The following UNCX variants were observed in gnomAD, a reference collection of about 807,000 sequenced individuals.
UNCX encodes homeobox protein unc-4 homolog.
A neutral mutation model predicts 14.8 loss-of-function variants in UNCX; 4 were observed. That is an observed-to-expected ratio of 0.27 (90% CI 0.13 to 0.62). The LOEUF (loss-of-function observed/expected upper bound fraction) is 0.62. Among genes scored for constraint, UNCX ranks in the 20% least tolerant of loss-of-function variants. The pLI, the probability that UNCX is intolerant of heterozygous loss-of-function variation, is 0.86. For missense variants in UNCX, 749 were observed against 786.8 expected, an observed-to-expected ratio of 0.95 and a Z score of 0.58; for synonymous variants, 459 against 395.8, an observed-to-expected ratio of 1.16 and a Z score of -1.90.
At position 1,232,881 on chromosome 7, in the gene UNCX, G is replaced by T; in HGVS notation, c.-137G>T. 3.3e-6 allele frequency: 1 copy of T among 299,336 alleles called. No homozygotes were observed. The highest frequency in any genetic ancestry group is 1.2e-4 in the South Asian group (1 of 8,626). The allele number at this position is 299,336 out of a possible 1,614,324, so 18.5% of individuals were successfully genotyped here. ...CTTGATGTTGATAAGTAAAGCGCCG[G>T]AGTGCGGGCGAAGCATGTGTGGGGC... On this transcript the variant is annotated 5_prime_UTR_variant, in exon 1 of 3. Coordinates refer to ENST00000316333, the MANE Select transcript of UNCX (RefSeq NM_001080461.3).
intron 2 of UNCX, 130 bp from the exon 3 acceptor site, chr7:1,235,702 G>T (rs1375973156): frequency 1.2e-6 from 1 of 806,692 alleles, no homozygotes; most frequent in East Asian, 2.7e-5. Flanking sequence ...GCTCGGCCGC[G>T]CGGCTTCACT....
Position 1,236,359 on chromosome 7 carries a change from G to A in UNCX, c.978G>A (p.Leu326=). 1.5e-6 allele frequency: 2 copies of A among 1,340,864 alleles called. No individual in the cohort carries two copies. Among genetic ancestry groups the A allele is most frequent in the Non-Finnish European group, 1.9e-6 (2 of 1,043,370 alleles). 83.1% of individuals were successfully genotyped at this position (1,340,864 alleles called of 1,614,324 possible). A position where few individuals can be genotyped will look rare whatever the true frequency, so the allele number is the denominator to read the frequency against. ...CGGTGGAGCGCGGCGCCGCGGGGCT[G>A]CCCAAGGCCAGCCCATTCAGCGTGG... ...VAAVERGAAG[L]PKASPFSVES... is the part of the protein sequence containing the mutation. Residue 326 remains leucine (L), a synonymous_variant, in exon 3 of 3, where the codon CTG becomes CTA. Coordinates refer to ENST00000316333, the MANE Select transcript of UNCX (RefSeq NM_001080461.3). The surrounding 1 kb of genome is among the most constrained non-coding windows in gnomAD (Gnocchi z 6.9).
Position 1,232,948 on chromosome 7 carries a change from C to T in UNCX, c.-70C>T. The T allele has an allele frequency of 1.2e-6, 1 of 807,298 alleles. No individual in the cohort carries two copies. The highest frequency in any genetic ancestry group is 1.5e-6 in the Non-Finnish European group (1 of 671,164). 50.0% of individuals were successfully genotyped at this position (807,298 alleles called of 1,614,324 possible). A position where few individuals can be genotyped will look rare whatever the true frequency, so the allele number is the denominator to read the frequency against. ...CGCCGCCGCCGCCCGCGCCTCCCGC[C>T]GCTGGCCCGCCCCGGCCCCGGCCCG... On this transcript the variant is annotated 5_prime_UTR_variant, in exon 1 of 3. Transcript: ENST00000316333.
Position 1,233,387 on chromosome 7 carries a change from G to A in UNCX, c.274+96G>A. The A allele has an allele frequency of 7.4e-7, 1 of 1,354,632 alleles. No homozygotes were observed. Among genetic ancestry groups the A allele is most frequent in the Non-Finnish European group, 9.5e-7 (1 of 1,056,130 alleles). 83.9% of individuals were successfully genotyped at this position (1,354,632 alleles called of 1,614,324 possible). A position where few individuals can be genotyped will look rare whatever the true frequency, so the allele number is the denominator to read the frequency against. ...TGGGGGGCCCGGGGCTGGCGAAGGA[G>A]AGCCGGCTCCTAGGCGGCCGTCTCT... On this transcript the variant is annotated intron_variant, in intron 1 of 2. Transcript: ENST00000316333. This position sits in a 1 kb window ranked among gnomAD's most constrained non-coding sequence, Gnocchi z 5.3.
rs1417441672 is a variant in UNCX at position 1,233,270 on chromosome 7, G to A, written c.253G>A (p.Gly85Ser). ...LPAACGVGGDGQPFKLSDSGD... is the reference protein window; with the variant it reads ...LPAACGVGGDSQPFKLSDSGD... ...AGCCGCCTGCGGGGTCGGCGGGGAC[G>A]GCCAGCCCTTCAAGCTGTCAGGTAG... The change falls in exon 1 of 3, where the codon GGC becomes AGC. Residue 85 changes from glycine to serine, a missense_variant. By Grantham distance (56) the Gly-to-Ser change is moderately conservative. Transcript: ENST00000316333. The surrounding 1 kb of genome is among the most constrained non-coding windows in gnomAD (Gnocchi z 5.3). 7.5e-7 allele frequency: 1 copy of A among 1,340,770 alleles called. No homozygotes were observed. Among genetic ancestry groups the A allele is most frequent in the South Asian group, 1.9e-5 (1 of 51,866 alleles). 83.1% of individuals were successfully genotyped at this position (1,340,770 alleles called of 1,614,324 possible). A position where few individuals can be genotyped will look rare whatever the true frequency, so the allele number is the denominator to read the frequency against.
At chr7:1,234,750 CAAAA>C (rs35439452) in intron 2 of UNCX, among the ~76,000 whole-genome samples, 2,049 of 119,258 alleles carry the variant, frequency 0.017, 18 homozygotes, top group Middle Eastern at 0.052. Flanking sequence ...GAATTCGCAC[CAAAA>C]AAAAAAAAAA....
chr7:1,233,236 G>A lies in UNCX; in HGVS notation c.219G>A (p.Pro73=). The A allele has an allele frequency of 7.2e-7, 1 of 1,387,070 alleles. No homozygotes were observed. The highest frequency in any genetic ancestry group is 9.3e-7 in the Non-Finnish European group (1 of 1,075,428). The allele number at this position is 1,387,070 out of a possible 1,614,324, so 85.9% of individuals were successfully genotyped here. Residue 73 remains proline, a synonymous_variant, in exon 1 of 3, where the codon CCG becomes CCA. Transcript: ENST00000316333. The surrounding 1 kb of genome is among the most constrained non-coding windows in gnomAD (Gnocchi z 5.3). ...AAAASVVNPT[P]LLPAACGVGG... ...CCGCCTCGGTGGTCAACCCCACGCC[G>A]CTGCTGCCAGCCGCCTGCGGGGTCG...
rs759733397 is a variant in UNCX at position 1,233,098 on chromosome 7, G to C, written c.81G>C (p.Pro27=). 1.2e-5 allele frequency: 18 copies of C among 1,457,458 alleles called. No homozygotes were observed. Among genetic ancestry groups the C allele is most frequent in the Non-Finnish European group, 1.6e-5 (18 of 1,107,360 alleles). 90.3% of individuals were successfully genotyped at this position (1,457,458 alleles called of 1,614,324 possible). The stretch of plus-strand genomic sequence containing the variant: ...GCGGCGTGGTGGGCTTCCCCTACCC[G>C]CTGGGCCACCACCACGTGTACGAGC... The part of the protein sequence containing the change: ...SLGGVVGFPY[P]LGHHHVYELA... Residue 27 remains proline (P), a synonymous_variant, in exon 1 of 3, where the codon CCG becomes CCC. Coordinates refer to ENST00000316333, the MANE Select transcript of UNCX (RefSeq NM_001080461.3). This position sits in a 1 kb window ranked among gnomAD's most constrained non-coding sequence, Gnocchi z 5.3.
rs1429243882 is a variant in UNCX, at chr7:1,236,215, C to G, written c.834C>G (p.Pro278=). Residue 278 remains proline (P), a synonymous_variant, in exon 3 of 3, where the codon CCC becomes CCG. Coordinates refer to ENST00000316333, the MANE Select transcript of UNCX (RefSeq NM_001080461.3). This position sits in a 1 kb window ranked among gnomAD's most constrained non-coding sequence, Gnocchi z 6.9. ...APAPPGEPPA[P]GTCDPAFYPS... ...CCCCTCCCGGCGAGCCGCCTGCACC[C>G]GGCACCTGCGACCCCGCCTTCTACC... 3 of 1,344,194 alleles carry G rather than the reference C, an allele frequency of 2.2e-6. No individual in the cohort carries two copies. Among genetic ancestry groups the G allele is most frequent in the Admixed American group, 5.5e-5 (2 of 36,666 alleles). 83.3% of individuals were successfully genotyped at this position (1,344,194 alleles called of 1,614,324 possible). A position where few individuals can be genotyped will look rare whatever the true frequency, so the allele number is the denominator to read the frequency against.
Position 1,233,352 on chromosome 7 carries a change from G to GC in UNCX, c.274+63dup. 1 of 1,338,546 alleles carries GC rather than the reference G, an allele frequency of 7.5e-7. No individual in the cohort carries two copies. The highest frequency in any genetic ancestry group is 9.5e-7 in the Non-Finnish European group (1 of 1,052,144). 82.9% of individuals were successfully genotyped at this position (1,338,546 alleles called of 1,614,324 possible). On this transcript the variant is annotated intron_variant, in intron 1 of 2. Coordinates refer to ENST00000316333, the MANE Select transcript of UNCX (RefSeq NM_001080461.3). This position sits in a 1 kb window ranked among gnomAD's most constrained non-coding sequence, Gnocchi z 5.3. Reference sequence around the variant, plus strand: ...GGCTGGGGGCGGGGGCCCTGGTCCGGCCGAGGCGCTGGGGGGCCCGGGGCT... The same window carrying GC: ...GGCTGGGGGCGGGGGCCCTGGTCCGGCCCGAGGCGCTGGGGGGCCCGGGGCT...
At position 1,233,558 on chromosome 7, in the gene UNCX, C is replaced by G. The variant is rs1778685927; in HGVS notation, c.313C>G (p.Arg105Gly). The G allele has an allele frequency of 6.2e-7, 1 of 1,612,684 alleles. No homozygotes were observed. Among genetic ancestry groups the G allele is most frequent in the African/African-American group, 1.3e-5 (1 of 74,906 alleles). The change falls in exon 2 of 3, where the codon CGG (arginine) becomes GGG (glycine). Residue 105 changes from arginine to glycine, a missense_variant. Transcript: ENST00000316333. This position sits in a 1 kb window ranked among gnomAD's most constrained non-coding sequence, Gnocchi z 5.3. ...GGACAAGGAGAGCCCGGGCTGCAAGCGGCGGCGCACCCGCACCAACTTCAC... is the reference window on the plus strand; with the variant it reads ...GGACAAGGAGAGCCCGGGCTGCAAGGGGCGGCGCACCCGCACCAACTTCAC... ...DPDKESPGCK[R>G]RRTRTNFTGW...
chr7:1,236,987 G>A lies in UNCX; in HGVS notation c.*10G>A. On this transcript the variant is annotated 3_prime_UTR_variant, in exon 3 of 3. Transcript: ENST00000316333. The surrounding 1 kb of genome is among the most constrained non-coding windows in gnomAD (Gnocchi z 6.9). ...GCTGGACATGGACTGAGGCCGCGGCGGCCGGGAGAGGCGCGTAGCCGGCCC... is the reference window on the plus strand; with the variant it reads ...GCTGGACATGGACTGAGGCCGCGGCAGCCGGGAGAGGCGCGTAGCCGGCCC... 2 of 1,187,034 alleles carry A rather than the reference G, an allele frequency of 1.7e-6. No individual in the cohort carries two copies. The highest frequency in any genetic ancestry group is 1.0e-6 in the Non-Finnish European group (1 of 958,612). 73.5% of individuals were successfully genotyped at this position (1,187,034 alleles called of 1,614,324 possible).
rs1279369860 is a variant in UNCX, at chr7:1,233,241, T to A, written c.224T>A (p.Leu75Gln). Reference sequence around the variant, plus strand: ...TCGGTGGTCAACCCCACGCCGCTGCTGCCAGCCGCCTGCGGGGTCGGCGGG... The same window carrying A: ...TCGGTGGTCAACCCCACGCCGCTGCAGCCAGCCGCCTGCGGGGTCGGCGGG... Reference protein sequence around the residue: ...AASVVNPTPLLPAACGVGGDG... With the variant: ...AASVVNPTPLQPAACGVGGDG... Residue 75 changes from leucine (L) to glutamine (Q), a missense_variant, in exon 1 of 3, where the codon CTG becomes CAG. Around this residue, in one of 3 missense-constraint regions of UNCX, gnomAD observed 155 missense variants for 166.7 expected, o/e 0.93. Coordinates refer to ENST00000316333, the MANE Select transcript of UNCX (RefSeq NM_001080461.3). The surrounding 1 kb of genome is among the most constrained non-coding windows in gnomAD (Gnocchi z 5.3). The A allele has an allele frequency of 1.2e-5, 17 of 1,377,930 alleles. No homozygotes were observed. In the Admixed American group the frequency reaches 2.5e-4, roughly 20 times the overall value. 85.4% of individuals were successfully genotyped at this position (1,377,930 alleles called of 1,614,324 possible).
At chr7:1,234,602 G>T (rs1406366652) in intron 2 of UNCX, among the ~76,000 whole-genome samples, 2 of 150,464 alleles carry the variant, frequency 1.3e-5, no homozygotes, top group East Asian at 4.0e-4. Flanking sequence ...TTTGTCCTGC[G>T]CTTGGACCTC....
At chr7:1,234,134 GGAGCGAAC>G (rs1440841259) in intron 2 of UNCX, among the ~76,000 whole-genome samples, 1 of 149,718 alleles carries the variant, frequency 6.7e-6, no homozygotes, top group African/African-American at 2.5e-5. Context: ...CACCCAGCCT[GGAGCGAAC>G]GAGTCTGTTT....
rs2128272399 is a variant in UNCX at position 1,233,918 on chromosome 7, C to T, written c.450+223C>T. ...AAAAGCCTGGGCGGCTTGAGAAGGG[C>T]CGGCGGCAGCACCCGAGTCACCAGA... On this transcript the variant is annotated intron_variant, in intron 2 of 2. Transcript: ENST00000316333. The surrounding 1 kb of genome is among the most constrained non-coding windows in gnomAD (Gnocchi z 5.3). Among the ~76,000 whole-genome samples, 1 of 152,330 alleles carries T rather than the reference C, an allele frequency of 6.6e-6. No individual in the cohort carries two copies. Among genetic ancestry groups the T allele is most frequent in the Non-Finnish European group, 1.5e-5 (1 of 68,036 alleles).
At chr7:1,235,023 T>A (rs1778712405) in intron 2 of UNCX, among the ~76,000 whole-genome samples, 1 of 152,030 alleles carries the variant, frequency 6.6e-6, no homozygotes, top group Non-Finnish European at 1.5e-5. Context: ...AGCGCTGCCG[T>A]CCCCGGATGT....
At position 1,236,515 on chromosome 7, in the gene UNCX, C is replaced by T. The variant is rs1778745581; in HGVS notation, c.1134C>T (p.Phe378=). ...GGACCCTGATCGGCAAGGGCCACTT[C>T]CTCCTCTACCCCATCACGCAGCCGC... ...APRTLIGKGH[F]LLYPITQPLG... is the part of the protein sequence containing the mutation. Residue 378 remains phenylalanine, a synonymous_variant, in exon 3 of 3, where the codon TTC becomes TTT. Transcript: ENST00000316333. The surrounding 1 kb of genome is among the most constrained non-coding windows in gnomAD (Gnocchi z 6.9). The T allele has an allele frequency of 7.1e-7, 1 of 1,402,118 alleles. No individual in the cohort carries two copies. The highest frequency in any genetic ancestry group is 9.3e-7 in the Non-Finnish European group (1 of 1,072,048). The allele number at this position is 1,402,118 out of a possible 1,614,324, so 86.9% of individuals were successfully genotyped here.
rs1778690453 is a variant in UNCX at position 1,233,820 on chromosome 7, C to T, written c.450+125C>T. On this transcript the variant is annotated intron_variant, in intron 2 of 2. Transcript: ENST00000316333. The surrounding 1 kb of genome is among the most constrained non-coding windows in gnomAD (Gnocchi z 5.3). ...CGCGGGCCCGCTTCGCGCTCGCCTGCTGGGGAAGAGTGGAGGGGTGGGGGT... is the reference window on the plus strand; with the variant it reads ...CGCGGGCCCGCTTCGCGCTCGCCTGTTGGGGAAGAGTGGAGGGGTGGGGGT... 3.2e-6 allele frequency: 4 copies of T among 1,240,066 alleles called. No homozygotes were observed. Among genetic ancestry groups the T allele is most frequent in the Admixed American group, 5.4e-5 (2 of 36,852 alleles). The allele number at this position is 1,240,066 out of a possible 1,614,324, so 76.8% of individuals were successfully genotyped here. A position where few individuals can be genotyped will look rare whatever the true frequency, so the allele number is the denominator to read the frequency against.
Sources: gnomAD v4.1 joint callset for allele counts (sites outside exome capture counted in the v4.1 genomes callset) on GRCh38, gnomAD v4.1.1 for gene constraint, gnomAD v4.1.1 regional missense constraint, Gnocchi (gnomAD v3.1) non-coding constraint, MANE v1.5 for transcripts, NCBI Gene and HGNC (gene_info 2026-07-23, HGNC 2026-07-21) for gene names.